Variants in PCDHA1 observed in about 807,000 individuals in gnomAD.
PCDHA1 encodes the protein protocadherin alpha 1.
In PCDHA1, 42 loss-of-function variants were observed where a neutral mutation model predicts 61.3. That is an observed-to-expected ratio of 0.69 (90% CI 0.54 to 0.89). The LOEUF (loss-of-function observed/expected upper bound fraction) is 0.89, where lower values mean the gene tolerates loss of function less well. Ranked by LOEUF, PCDHA1 falls within the 40% of genes least tolerant of loss-of-function variation. PCDHA1 has a pLI of 0.00. For missense variants in PCDHA1, 1,256 were observed against 1,235.3 expected (o/e 1.02, Z -0.25); for synonymous variants, 610 against 553.8 (o/e 1.10, Z -1.43).
At chr5:140,824,616 T>TC (rs1340347040) in intron 1 of PCDHA1, 1 of 126,878 alleles carries the variant, frequency 7.9e-6, no homozygotes, top group Non-Finnish European at 1.6e-5. Flanking sequence ...TAAAGTTTTT[T>TC]TTTTTTTTTT....
At chr5:140,999,426 A>G (rs1456581917) in intron 3 of PCDHA1, among the ~76,000 whole-genome samples, 2 of 152,204 alleles carry the variant, frequency 1.3e-5, no homozygotes, top group Middle Eastern at 3.2e-3. Context: ...TAAGAGGCCA[A>G]GTACCTTGCC....
intron 1 of PCDHA1, chr5:140,871,457 GGGAAAGACA>G (rs782304525): frequency 6.2e-7 from 1 of 1,605,688 alleles, no homozygotes; most frequent in Non-Finnish European, 8.5e-7. Flanking sequence ...GAGGAGGAAG[GGGAAAGACA>G]GGAGCCAGGG....
At chr5:140,887,829 G>A (rs2061597831) in intron 1 of PCDHA1, among the ~76,000 whole-genome samples, 1 of 151,932 alleles carries the variant, frequency 6.6e-6, no homozygotes, top group Non-Finnish European at 1.5e-5. Flanking sequence ...GCCTCATTTT[G>A]AATATCTTTT....
At chr5:141,009,107 G>A (rs1329490009) in intron 3 of PCDHA1, among the ~76,000 whole-genome samples, 6 of 152,180 alleles carry the variant, frequency 3.9e-5, no homozygotes, top group African/African-American at 1.4e-4. Flanking sequence ...ATGTTACTAT[G>A]AAACTAGATT....
At chr5:140,974,320 CT>C (rs2096622624) in intron 1 of PCDHA1, among the ~76,000 whole-genome samples, 1 of 152,206 alleles carries the variant, frequency 6.6e-6, no homozygotes, top group Non-Finnish European at 1.5e-5. Context: ...GAGAGAGTAG[CT>C]GCTGTGCTAG....
At chr5:140,821,978 A>G (rs1767138944) in intron 1 of PCDHA1, 1 of 1,614,038 alleles carries the variant, frequency 6.2e-7, no homozygotes. Flanking sequence ...GTGGCGTCCA[A>G]GGGCCGCGGG....
chr5:140,947,778 G>A (rs2094175732), intron 1 of PCDHA1, among the ~76,000 whole-genome samples: 2 of 151,456 alleles, frequency 1.3e-5, no homozygotes, highest in South Asian at 4.1e-4. Context: ...TATTGTAAAT[G>A]GATTTTAAAC....
chr5:140,823,966 T>C (rs1457344203), intron 1 of PCDHA1: 2 of 1,613,828 alleles, frequency 1.2e-6, no homozygotes, highest in African/African-American at 2.7e-5. Context: ...CGAGGCCGTG[T>C]GCACACGGGG....
intron 1 of PCDHA1, chr5:140,842,493 C>A: frequency 6.2e-7 from 1 of 1,613,856 alleles, no homozygotes; most frequent in Non-Finnish European, 8.5e-7. Context: ...TCCCTGATGC[C>A]CCATGTCCCC....
chr5:140,817,978 C>A (rs1367059541), intron 1 of PCDHA1, among the ~76,000 whole-genome samples: 3 of 152,266 alleles, frequency 2.0e-5, no homozygotes, highest in East Asian at 3.9e-4. Context: ...TTCTGTCTAG[C>A]TACTTTGTAT....
At chr5:140,985,072 A>C (rs2097134751) in intron 3 of PCDHA1, among the ~76,000 whole-genome samples, 1 of 151,864 alleles carries the variant, frequency 6.6e-6, no homozygotes, top group Admixed American at 6.6e-5. Flanking sequence ...TGAGTAGCTG[A>C]GACTACAGGC....
chr5:140,796,725 A>G lies in PCDHA1; in HGVS notation c.2394+8041A>G, dbSNP rs1056313252. On this transcript the variant is annotated intron_variant, in intron 1 of 3. Coordinates refer to ENST00000504120, the MANE Select transcript of PCDHA1 (RefSeq NM_018900.4). Reference sequence around the variant, plus strand: ...AGCTGGTGCCGTGGTCGGTGGGTGCAGGGCACGTGGTGGCGAAGGTGCGCG... The same window carrying G: ...AGCTGGTGCCGTGGTCGGTGGGTGCGGGGCACGTGGTGGCGAAGGTGCGCG... The G allele has an allele frequency of 3.1e-6, 5 of 1,613,982 alleles. No homozygotes were observed. In the South Asian group the frequency reaches 3.3e-5, roughly 11 times the overall value.
intron 1 of PCDHA1, chr5:140,822,957 C>G: frequency 1.2e-6 from 2 of 1,614,262 alleles, no homozygotes; most frequent in Non-Finnish European, 1.7e-6. Flanking sequence ...ACGTTCCCTT[C>G]AAGCTGGTGT....
chr5:140,992,097 A>G (rs1466699064), intron 3 of PCDHA1, among the ~76,000 whole-genome samples: 7 of 151,212 alleles, frequency 4.6e-5, no homozygotes, highest in Non-Finnish European at 1.0e-4. Flanking sequence ...GAGAAAGAGA[A>G]TTAAGGTGAG....
Position 140,786,976 on chromosome 5 carries a change from T to A in PCDHA1, c.686T>A (p.Leu229Gln), listed in dbSNP as rs2149894403. 6.2e-7 allele frequency: 1 copy of A among 1,614,160 alleles called. No homozygotes were observed. Among genetic ancestry groups the A allele is most frequent in the East Asian group, 2.2e-5 (1 of 44,882 alleles). ...GAGCTGCAAGGTACAGTTGAGCTGCTGATCACCGTCCTCGACGTTAATGAT... is the reference window on the plus strand; with the variant it reads ...GAGCTGCAAGGTACAGTTGAGCTGCAGATCACCGTCCTCGACGTTAATGAT... Reference protein sequence around the residue: ...KPELQGTVELLITVLDVNDNA... With the variant: ...KPELQGTVELQITVLDVNDNA... Residue 229 changes from leucine to glutamine, a missense_variant, in exon 1 of 4, where the codon CTG (leucine) becomes CAG (glutamine). Physicochemically the swap from Leu to Gln is moderately radical, Grantham distance 113 (BLOSUM62 -2). Transcript: ENST00000504120.
intron 1 of PCDHA1, among the ~76,000 whole-genome samples, chr5:140,846,008 T>C (rs1253798347): frequency 1.3e-5 from 2 of 149,708 alleles, no homozygotes; most frequent in African/African-American, 2.4e-5. Context: ...ATGAAAAAAA[T>C]CTAAAAGTTA....
At chr5:140,977,559 A>G (rs1383080307) in intron 1 of PCDHA1, among the ~76,000 whole-genome samples, 2 of 152,204 alleles carry the variant, frequency 1.3e-5, no homozygotes. Context: ...ATATCTTGCT[A>G]GCAGATTGGT....
At chr5:140,850,015 A>G (rs2041294167) in intron 1 of PCDHA1, 1 of 1,596,724 alleles carries the variant, frequency 6.3e-7, no homozygotes, top group Non-Finnish European at 8.6e-7. Flanking sequence ...CTGTCGAGCT[A>G]CGTGTCAGTG....
chr5:140,885,465 C>T (rs1363216895), intron 1 of PCDHA1, among the ~76,000 whole-genome samples: 1 of 152,144 alleles, frequency 6.6e-6, no homozygotes, highest in Non-Finnish European at 1.5e-5. Context: ...TAATGATGGG[C>T]AATCACTTTG....
Sources: allele counts gnomAD v4.1 joint callset (sites outside exome capture counted in the v4.1 genomes callset), GRCh38; gene constraint gnomAD v4.1.1; transcripts MANE v1.5; gene names NCBI Gene and HGNC (gene_info 2026-07-23, HGNC 2026-07-21).